The following NCOR2 variants were observed in gnomAD, a reference collection of about 807,000 sequenced individuals.
The protein encoded by NCOR2 is nuclear receptor corepressor 2, also known as CTG repeat protein 26.
In NCOR2, 81 loss-of-function variants were observed where a neutral mutation model predicts 262.9. The ratio of observed to expected loss-of-function variants is 0.31; its 90% confidence interval spans 0.26 to 0.37. The LOEUF is 0.37. NCOR2 is among the 10% of genes least tolerant of loss of function. The pLI, the probability that NCOR2 is intolerant of heterozygous loss-of-function variation, is 1.00. For synonymous variants in NCOR2, 1,659 were observed against 1,559.3 expected (o/e 1.06, Z -1.51); for missense variants, 3,385 against 3,621.4 (o/e 0.93, Z 1.68).
exon 33 of NCOR2, chr12:124,343,098 G>A (rs759755053): frequency 1.9e-6 from 3 of 1,612,498 alleles, no homozygotes; most frequent in Admixed American, 3.3e-5. Context: ...ACGCCCCGAA[G>A]CAGGTGCTCA....
chr12:124,473,075 A>C (rs2046908565), exon 4 of NCOR2: 1 of 1,614,042 alleles, frequency 6.2e-7, no homozygotes, highest in African/African-American at 1.3e-5. Flanking sequence ...GCTCAGGGTC[A>C]GTGTGCGGGG....
chr12:124,377,131 A>G (rs1285537120), intron 18 of NCOR2, among the ~76,000 whole-genome samples: 1 of 152,202 alleles, frequency 6.6e-6, no homozygotes, highest in Non-Finnish European at 1.5e-5. Flanking sequence ...CACTGATAAC[A>G]AAGTTGAGCC....
At chr12:124,458,892 G>T (rs889586561) in intron 5 of NCOR2, among the ~76,000 whole-genome samples, 1 of 152,156 alleles carries the variant, frequency 6.6e-6, no homozygotes, top group East Asian at 1.9e-4. Flanking sequence ...GGGTACTGAA[G>T]ATGGGAGAAC....
chr12:124,402,512 G>GGCGGCTGCT (rs1555217707), exon 14 of NCOR2: 97 of 1,459,418 alleles, frequency 6.6e-5, no homozygotes, highest in Admixed American at 3.8e-4. Context: ...GCGGGGCATG[G>GGCGGCTGCT]GCTGCTGCTG....
At chr12:124,453,362 G>A (rs2045662659) in intron 6 of NCOR2, among the ~76,000 whole-genome samples, 1 of 152,214 alleles carries the variant, frequency 6.6e-6, no homozygotes, top group Admixed American at 6.5e-5. Flanking sequence ...AGGCCTAGAT[G>A]CGTGTGGAGC....
Position 124,471,707 on chromosome 12 carries a change from A to C in NCOR2, c.591+1245T>G, listed in dbSNP as rs184954063. On this transcript the variant is annotated intron_variant, in intron 4 of 46. Coordinates refer to ENST00000405201, the Ensembl canonical transcript of NCOR2. Reference sequence around the variant, plus strand: ...CAGCCTCCTGAGTAGCTGTGACCACAGGCATGTGCCTCCACACCTGGCTAA... The same window carrying C: ...CAGCCTCCTGAGTAGCTGTGACCACCGGCATGTGCCTCCACACCTGGCTAA... Among the ~76,000 whole-genome samples, 506 of 152,320 alleles carry C rather than the reference A, an allele frequency of 3.3e-3. 3 individuals are homozygous for C. Among genetic ancestry groups the C allele is most frequent in the African/African-American group, 0.012 (479 of 41,570 alleles).
chr12:124,498,428 C>A (rs1397686474), upstream of NCOR2, among the ~76,000 whole-genome samples: 1 of 152,170 alleles, frequency 6.6e-6, no homozygotes, highest in Non-Finnish European at 1.5e-5. Flanking sequence ...CAAGGGGTTC[C>A]CCCACCAGCC....
exon 11 of NCOR2, chr12:124,426,656 A>T: frequency 6.2e-7 from 1 of 1,604,650 alleles, no homozygotes; most frequent in East Asian, 2.2e-5. Context: ...TGCTCACTCC[A>T]CATGTTCATG....
intron 19 of NCOR2, among the ~76,000 whole-genome samples, chr12:124,373,654 A>G (rs1416153557): frequency 7.8e-6 from 1 of 127,424 alleles, no homozygotes; most frequent in Admixed American, 7.7e-5. Context: ...CCCCGGGCAC[A>G]GTGGACAATC....
chr12:124,380,494 C>T (rs2040328620), intron 17 of NCOR2, among the ~76,000 whole-genome samples: 1 of 152,296 alleles, frequency 6.6e-6, no homozygotes. Context: ...ACGTCCTGGG[C>T]CCAGTCCCAG....
chr12:124,502,482 C>T (rs560189697), intron 1 of NCOR2, among the ~76,000 whole-genome samples: 12 of 151,698 alleles, frequency 7.9e-5, no homozygotes, highest in African/African-American at 1.5e-4. Flanking sequence ...GTCAGGGGTG[C>T]GTCACCAGAG....
intron 5 of NCOR2, among the ~76,000 whole-genome samples, chr12:124,459,436 T>A (rs539709068): frequency 6.6e-6 from 1 of 152,206 alleles, no homozygotes; most frequent in Admixed American, 6.5e-5. Flanking sequence ...TGGTCCTGCT[T>A]GTCAGCCTCC....
chr12:124,366,041 C>G (rs537459966), intron 20 of NCOR2, among the ~76,000 whole-genome samples: 1 of 152,306 alleles, frequency 6.6e-6, no homozygotes, highest in African/African-American at 2.4e-5. Flanking sequence ...CTTTGGAAAG[C>G]AGTCGGTGAG....
At chr12:124,337,262 G>A in intron 37 of NCOR2, 82 bp from the exon 40 acceptor site, 1 of 1,460,560 alleles carries the variant, frequency 6.8e-7, no homozygotes, top group Admixed American at 2.0e-5. Flanking sequence ...CCATTGCCCT[G>A]GGATAAATCC....
At chr12:124,518,530 G>A (rs749160083) in intron 1 of NCOR2, among the ~76,000 whole-genome samples, 5 of 152,364 alleles carry the variant, frequency 3.3e-5, no homozygotes, top group South Asian at 4.1e-4. Flanking sequence ...TGAACGAGAC[G>A]TCGGGCCTCC....
At chr12:124,335,055 G>T in intron 40 of NCOR2, 80 bp downstream of exon 42, 1 of 1,603,088 alleles carries the variant, frequency 6.2e-7, no homozygotes. Context: ...CAGAAGGGCT[G>T]TGGGGTTCCC....
At position 124,335,735 on chromosome 12, in the gene NCOR2, G is replaced by A. The variant is rs2035820111; in HGVS notation, c.6116-103C>T. ...CTGGCTGGGACCCCGGGGGGGTCAA[G>A]GGGAACCCAAGCTAGGGGTAGGGTT... is the stretch of plus-strand genomic sequence containing the variant. On this transcript the variant is annotated intron_variant, in intron 38 of 46. Transcript: ENST00000405201. 2.2e-6 allele frequency: 3 copies of A among 1,343,588 alleles called. No homozygotes were observed. In the East Asian group the frequency reaches 7.2e-5, roughly 32 times the overall value. The allele number at this position is 1,343,588 out of a possible 1,614,324, so 83.2% of individuals were successfully genotyped here. A position where few individuals can be genotyped will look rare whatever the true frequency, so the allele number is the denominator to read the frequency against.
chr12:124,327,060 C>T (rs537485344), intron 45 of NCOR2, among the ~76,000 whole-genome samples: 1 of 152,288 alleles, frequency 6.6e-6, no homozygotes, highest in Admixed American at 6.5e-5. Flanking sequence ...GGCTTCACTC[C>T]AGCCTGCTCT....
At chr12:124,414,571 T>G (rs917979677) in intron 13 of NCOR2, among the ~76,000 whole-genome samples, 4 of 152,176 alleles carry the variant, frequency 2.6e-5, no homozygotes, top group African/African-American at 9.7e-5. Flanking sequence ...TGAGATAACC[T>G]AAGTCTTCTT....
Sources: gnomAD v4.1 joint callset for allele counts (sites outside exome capture counted in the v4.1 genomes callset) on GRCh38, gnomAD v4.1.1 for gene constraint, MANE v1.5 for transcripts, NCBI Gene and HGNC (gene_info 2026-07-23, HGNC 2026-07-21) for gene names.